The following SPTB variants were observed in gnomAD, a reference collection of about 807,000 sequenced individuals.
SPTB encodes the protein spectrin beta, erythrocytic, also known as spectrin beta chain, erythrocytic.
SPTB carries 45 observed loss-of-function variants against 256.2 expected under a neutral mutation model. The observed-to-expected ratio is 0.18, with a 90% CI of 0.14 to 0.23. The LOEUF is 0.23. Ranked by LOEUF, SPTB falls within the 10% of genes least tolerant of loss-of-function variation. The pLI, the probability that SPTB is intolerant of heterozygous loss-of-function variation, is 1.00. For missense variants in SPTB, 2,715 were observed against 3,040.4 expected (o/e 0.89, Z 2.52); for synonymous variants, 1,231 against 1,243.1 (o/e 0.99, Z 0.21).
In SPTB at chr14:64,752,176, A is replaced by G. The variant is rs780339769; in HGVS notation, c.6602+1361T>C. The G allele has an allele frequency of 1.0e-5, 14 of 1,342,138 alleles. No individual in the cohort carries two copies. In the South Asian group the frequency reaches 1.0e-4, roughly 10 times the overall value. The allele number at this position is 1,342,138 out of a possible 1,614,324, so 83.1% of individuals were successfully genotyped here. A position where few individuals can be genotyped will look rare whatever the true frequency, so the allele number is the denominator to read the frequency against. On this transcript the variant is annotated intron_variant, in intron 33 of 35. Transcript: ENST00000644917. ...CATGTTTGGTGAGGGAATCAAACTG[A>G]TAACAGGTGGGCTAGCCCGAGCCGC...
chr14:64,801,704 C>T (rs2082889617), intron 6 of SPTB, 50 bp downstream of exon 6: 1 of 1,556,314 alleles, frequency 6.4e-7, no homozygotes, highest in Admixed American at 1.7e-5. Context: ...TCCAAATATT[C>T]CCAGGGAGGC....
intron 32 of SPTB, among the ~76,000 whole-genome samples, chr14:64,761,880 C>T (rs900695453): frequency 9.2e-5 from 14 of 152,154 alleles, no homozygotes; most frequent in African/African-American, 3.4e-4. Context: ...TCACATCGTC[C>T]ACTTCAAACC....
Position 64,795,659 on chromosome 14 carries a change from ACAGGCAGCTCAGT to A in SPTB, c.1342-33_1342-21del. ...GTTATCCTGCCCCACCGGGAGAAAA[ACAGGCAGCTCAGT>A]CAGACACCCAGGGGCTCATCCCCAA... On this transcript the variant is annotated intron_variant, in intron 11 of 35. Transcript: ENST00000644917. The surrounding 1 kb of genome is among the most constrained non-coding windows in gnomAD (Gnocchi z 6.5). The A allele has an allele frequency of 6.2e-7, 1 of 1,613,488 alleles. No individual in the cohort carries two copies. The highest frequency in any genetic ancestry group is 8.5e-7 in the Non-Finnish European group (1 of 1,179,994).
In SPTB at chr14:64,782,368, G is replaced by A. The variant is rs200909666; in HGVS notation, c.4188C>T (p.Ser1396=). 17 of 1,614,150 alleles carry A rather than the reference G, an allele frequency of 1.1e-5. No individual in the cohort carries two copies. The highest frequency in any genetic ancestry group is 3.3e-5 in the South Asian group (3 of 91,080). The change falls in exon 20 of 36, where the codon AGC becomes AGT. Residue 1396 remains serine (S), a synonymous_variant. Transcript: ENST00000644917. The stretch of plus-strand genomic sequence containing the variant: ...CTGACCGCAGCTGGTCCTCCATGGC[G>A]CTGATCCACTTGTTGAGGTCAGCAT... ...QTHADLNKWI[S]AMEDQLRSDD...
chr14:64,773,354 G>A lies in SPTB; in HGVS notation c.5044C>T (p.Arg1682Cys), dbSNP rs111611921. The A allele has an allele frequency of 1.9e-5, 30 of 1,614,078 alleles. No individual in the cohort carries two copies. The highest frequency in any genetic ancestry group is 4.4e-5 in the South Asian group (4 of 91,090). The change falls in exon 25 of 36, where the codon CGC becomes TGC. Residue 1682 changes from arginine (R) to cysteine (C), a missense_variant. Coordinates refer to ENST00000644917, the MANE Select transcript of SPTB (RefSeq NM_001355436.2). Reference sequence around the variant, plus strand: ...TACATGTTCTCCAGCTTGCGCTTGCGCTCTTCCGCCACGTCCTTCAGCCCT... The same window carrying A: ...TACATGTTCTCCAGCTTGCGCTTGCACTCTTCCGCCACGTCCTTCAGCCCT... ...YAGLKDVAEE[R>C]KRKLENMYHL...
In SPTB at chr14:64,823,123, C is replaced by A; in HGVS notation, c.-29G>T. 1.2e-6 allele frequency: 2 copies of A among 1,614,008 alleles called. No homozygotes were observed. Among genetic ancestry groups the A allele is most frequent in the Non-Finnish European group, 1.7e-6 (2 of 1,179,944 alleles). ...AGCAGGCTCTTAGCAGCTCCGCCTG[C>A]CTCAGTCTTCATGGAAGGATCCCTG... is the stretch of plus-strand genomic sequence containing the variant. On this transcript the variant is annotated 5_prime_UTR_variant, in exon 2 of 36. Coordinates refer to ENST00000644917, the MANE Select transcript of SPTB (RefSeq NM_001355436.2). The surrounding 1 kb of genome is among the most constrained non-coding windows in gnomAD (Gnocchi z 6.5).
rs1321700881 is a variant in SPTB at position 64,806,258 on chromosome 14, T to G, written c.149-1168A>C. ...GAGGAGTGAGCCCTCTCTGGATTTA[T>G]GAACAGTTTGGTGGCAATTAGCTTC... On this transcript the variant is annotated intron_variant, in intron 2 of 35. Coordinates refer to ENST00000644917, the MANE Select transcript of SPTB (RefSeq NM_001355436.2). This position sits in a 1 kb window ranked among gnomAD's most constrained non-coding sequence, Gnocchi z 4.1. 6.6e-6 allele frequency among the ~76,000 whole-genome samples: 1 copy of G among 152,212 alleles called. No homozygotes were observed. Among genetic ancestry groups the G allele is most frequent in the East Asian group, 1.9e-4 (1 of 5,190 alleles).
rs554417386 is a variant in SPTB at position 64,786,133 on chromosome 14, A to T, written c.3562-182T>A. 1.3e-5 allele frequency among the ~76,000 whole-genome samples: 2 copies of T among 152,066 alleles called. No individual in the cohort carries two copies. Among genetic ancestry groups the T allele is most frequent in the East Asian group, 3.9e-4 (2 of 5,152 alleles). On this transcript the variant is annotated intron_variant, in intron 16 of 35. Transcript: ENST00000644917. This position sits in a 1 kb window ranked among gnomAD's most constrained non-coding sequence, Gnocchi z 5.6. ...CCCCACCCCTACCCCAGGGGCACAC[A>T]ATAAACAGTGTGCCTAAAGCCACAT...
chr14:64,769,753 G>T (rs1566744036), intron 27 of SPTB, 25 bp from the exon 28 acceptor site: 1 of 1,614,032 alleles, frequency 6.2e-7, no homozygotes. Context: ...GACAAGGGAA[G>T]AAGGGAACTC....
rs577238313 is a variant in SPTB, at chr14:64,875,053, C to T, written c.-52+4739G>A. On this transcript the variant is annotated intron_variant, in intron 1 of 35. Transcript: ENST00000644917. ...CATGATATATGCTGAGTTTTAATTGCCCTTGTAATTCTACCCTCAGCCAGG... is the reference window on the plus strand; with the variant it reads ...CATGATATATGCTGAGTTTTAATTGTCCTTGTAATTCTACCCTCAGCCAGG... 7.2e-5 allele frequency among the ~76,000 whole-genome samples: 11 copies of T among 152,208 alleles called. 1 individual carries two copies. Among genetic ancestry groups the T allele is most frequent in the Admixed American group, 3.9e-4 (6 of 15,290 alleles).
In SPTB at chr14:64,786,030, C is replaced by G; in HGVS notation, c.3562-79G>C. 1 of 1,434,854 alleles carries G rather than the reference C, an allele frequency of 7.0e-7. No homozygotes were observed. The highest frequency in any genetic ancestry group is 9.7e-7 in the Non-Finnish European group (1 of 1,026,720). The allele number at this position is 1,434,854 out of a possible 1,614,324, so 88.9% of individuals were successfully genotyped here. ...GCACACCTCCCAAGTGGGAGCACCA[C>G]GTGCAGCCACACAGGCCACGGTATG... On this transcript the variant is annotated intron_variant, in intron 16 of 35. Transcript: ENST00000644917. This position sits in a 1 kb window ranked among gnomAD's most constrained non-coding sequence, Gnocchi z 5.6.
At chr14:64,842,150 G>A (rs999761821) in intron 1 of SPTB, among the ~76,000 whole-genome samples, 7 of 152,254 alleles carry the variant, frequency 4.6e-5, no homozygotes, top group Admixed American at 3.3e-4. Context: ...GCGCGTGTGC[G>A]GGGCCATGGT....
Position 64,825,498 on chromosome 14 carries a change from C to G in SPTB, c.-51-2353G>C, listed in dbSNP as rs1177708938. On this transcript the variant is annotated intron_variant, in intron 1 of 35. Coordinates refer to ENST00000644917, the MANE Select transcript of SPTB (RefSeq NM_001355436.2). The surrounding 1 kb of genome is among the most constrained non-coding windows in gnomAD (Gnocchi z 4.8). ...CTATTTCCCTTAAGGGAAACTACCA[C>G]TGACTTGGTCTCTGAGCCAGAGAGG... 6.6e-6 allele frequency among the ~76,000 whole-genome samples: 1 copy of G among 151,692 alleles called. No homozygotes were observed. The highest frequency in any genetic ancestry group is 1.5e-5 in the Non-Finnish European group (1 of 67,880).
At position 64,812,906 on chromosome 14, in the gene SPTB, A is replaced by C. The variant is rs3819920; in HGVS notation, c.149-7816T>G. On this transcript the variant is annotated intron_variant, in intron 2 of 35. Transcript: ENST00000644917. The stretch of plus-strand genomic sequence containing the variant: ...CTCTCCCTCCTTTTCTGTTAAAAAA[A>C]TTTGCTTTCAACAATAGAAAATAGC... Among the ~76,000 whole-genome samples the C allele has an allele frequency of 4.7e-3, 717 of 152,306 alleles. 5 individuals are homozygous for C. Among genetic ancestry groups the C allele is most frequent in the East Asian group, 0.024 (125 of 5,180 alleles).
At chr14:64,860,074 C>T (rs145311873) in intron 1 of SPTB, among the ~76,000 whole-genome samples, 3 of 152,246 alleles carry the variant, frequency 2.0e-5, no homozygotes, top group Admixed American at 2.0e-4. Context: ...CAAATATGGC[C>T]TGATCCTTGA....
intron 22 of SPTB, among the ~76,000 whole-genome samples, chr14:64,776,875 G>A (rs559378701): frequency 2.6e-5 from 4 of 152,256 alleles, no homozygotes; most frequent in African/African-American, 9.6e-5. Context: ...ACCAGACCCT[G>A]GTCTAGGTAA....
At position 64,750,114 on chromosome 14, in the gene SPTB, G is replaced by T. The variant is rs1427006989; in HGVS notation, c.6643C>A (p.Leu2215Ile). 6.2e-7 allele frequency: 1 copy of T among 1,614,032 alleles called. No individual in the cohort carries two copies. The highest frequency in any genetic ancestry group is 1.7e-5 in the Admixed American group (1 of 60,004). The stretch of plus-strand genomic sequence containing the variant: ...TTCTTGGCATCCTTGTAGAAGGTTA[G>T]CTCACTGTTCCTGAGCACACAGTAC... ...NLYCVLRNSE[L>I]TFYKDAKNLA... The change falls in exon 34 of 36, where the codon CTA (leucine) becomes ATA (isoleucine). Residue 2215 changes from leucine to isoleucine, a missense_variant. Leu to Ile is a conservative substitution (Grantham distance 5, BLOSUM62 2). Around this residue, in one of 4 missense-constraint regions of SPTB, gnomAD observed 2,239 missense variants for 2,384.4 expected, o/e 0.94. Transcript: ENST00000644917.
chr14:64,771,137 C>A lies in SPTB; in HGVS notation c.5554-8G>T. On this transcript the variant is annotated splice_region_variant and splice_polypyrimidine_tract_variant and intron_variant, in intron 26 of 35. Coordinates refer to ENST00000644917, the MANE Select transcript of SPTB (RefSeq NM_001355436.2). ...GTCCTGGAACTGCTGCACCTGTGGT[C>A]AGGCAAAATCAGACATTGTTCCCTG... 6.2e-7 allele frequency: 1 copy of A among 1,613,190 alleles called. No homozygotes were observed. Among genetic ancestry groups the A allele is most frequent in the South Asian group, 1.1e-5 (1 of 91,052 alleles).
chr14:64,796,635 C>T lies in SPTB; in HGVS notation c.1263G>A (p.Glu421=). Residue 421 remains glutamate, a synonymous_variant, in exon 11 of 36, where the codon GAG becomes GAA. Transcript: ENST00000644917. The surrounding 1 kb of genome is among the most constrained non-coding windows in gnomAD (Gnocchi z 4.1). ...RNELIRQEKL[E]QLARRFDRKA... is the part of the protein sequence containing the mutation. ...TCCGGTCAAAGCGCCGGGCCAGTTG[C>T]TCTAGCTTCTCCTGCCGAATGAGCT... is the stretch of plus-strand genomic sequence containing the variant. 3 of 1,614,244 alleles carry T rather than the reference C, an allele frequency of 1.9e-6. No individual in the cohort carries two copies. The highest frequency in any genetic ancestry group is 2.5e-6 in the Non-Finnish European group (3 of 1,180,042).
Sources: gnomAD v4.1 joint callset for allele counts (sites outside exome capture counted in the v4.1 genomes callset) on GRCh38, gnomAD v4.1.1 for gene constraint, gnomAD v4.1.1 regional missense constraint, Gnocchi (gnomAD v3.1) non-coding constraint, MANE v1.5 for transcripts, NCBI Gene and HGNC (gene_info 2026-07-23, HGNC 2026-07-21) for gene names.